Variants in API5 observed in about 807,000 individuals in gnomAD.
The protein encoded by API5 is FIF.
API5 carries 6 observed loss-of-function variants against 71.9 expected under a neutral mutation model. That is an observed-to-expected ratio of 0.08 (90% confidence interval 0.05 to 0.16). The LOEUF is 0.16. Among genes scored for constraint, API5 ranks in the 10% least tolerant of loss-of-function variants. The probability of loss-of-function intolerance (pLI) is 1.00; values close to 1 mark genes in which losing one functional copy is unlikely to be tolerated. For missense variants in API5, 332 were observed against 612.8 expected (o/e 0.54, Z 4.84); for synonymous variants, 189 against 221.3 (o/e 0.85, Z 1.30).
At chr11:43,332,643 G>A (rs1288164584) in intron 11 of API5, among the ~76,000 whole-genome samples, 1 of 152,066 alleles carries the variant, frequency 6.6e-6, no homozygotes, top group Non-Finnish European at 1.5e-5. Flanking sequence ...ACGTGGGTGT[G>A]TTCTTGTTCA....
In API5 at chr11:43,322,041, C is replaced by G; in HGVS notation, c.448C>G (p.Arg150Gly). Residue 150 changes from arginine (R) to glycine (G), a missense_variant, in exon 5 of 14, where the codon CGA becomes GGA. By Grantham distance (125) the Arg-to-Gly change is moderately radical. Coordinates refer to ENST00000531273, the MANE Select transcript of API5 (RefSeq NM_001142930.2). ...ILQGEDIVRE[R>G]AIKFLSTKLK... is the part of the protein sequence containing the mutation. ...TCAAGGAGAGGACATTGTTAGAGAA[C>G]GAGCAATTAAATTCCTTTCTACAAA... 1 of 1,613,536 alleles carries G rather than the reference C, an allele frequency of 6.2e-7. No homozygotes were observed. Among genetic ancestry groups the G allele is most frequent in the Non-Finnish European group, 8.5e-7 (1 of 1,179,772 alleles).
At chr11:43,327,642 T>C (rs947483245) in intron 7 of API5, 147 bp from the exon 8 acceptor site, 7 of 562,916 alleles carry the variant, frequency 1.2e-5, no homozygotes, top group Admixed American at 1.1e-4. Flanking sequence ...GGGCTGCATC[T>C]ATCTCTAAGG....
rs1855659467 is a variant in API5, at chr11:43,342,642, T to G, written c.*132T>G. 2.2e-6 allele frequency: 2 copies of G among 892,564 alleles called. No homozygotes were observed. The highest frequency in any genetic ancestry group is 3.6e-6 in the Non-Finnish European group (2 of 552,710). The allele number at this position is 892,564 out of a possible 1,614,324, so 55.3% of individuals were successfully genotyped here. ...TAAAAACTTAATGTTCTTTATACCT[T>G]TGTATGTATGACCTACTTTTGTAAC... On this transcript the variant is annotated 3_prime_UTR_variant, in exon 14 of 14. Transcript: ENST00000531273.
rs1469458036 is a variant in API5 at position 43,312,034 on chromosome 11, T to C, written c.-94T>C. On this transcript the variant is annotated 5_prime_UTR_variant, in exon 1 of 14. Transcript: ENST00000531273. ...GCACTGGCGGCAGCTGGAGGTGTAA[T>C]AGTGCGGGTAGTGGGTTTGGAGAAG... is the stretch of plus-strand genomic sequence containing the variant. 6 of 1,386,772 alleles carry C rather than the reference T, an allele frequency of 4.3e-6. No homozygotes were observed. The highest frequency in any genetic ancestry group is 2.4e-5 in the East Asian group (1 of 41,764). 85.9% of individuals were successfully genotyped at this position (1,386,772 alleles called of 1,614,324 possible).
intron 10 of API5, 190 bp downstream of exon 10, chr11:43,330,248 T>C (rs1379913242): frequency 1.6e-6 from 1 of 618,966 alleles, no homozygotes; most frequent in Non-Finnish European, 2.8e-6. Flanking sequence ...AACTTCTATG[T>C]GCATGTGACC....
intron 6 of API5, among the ~76,000 whole-genome samples, chr11:43,324,928 C>T (rs2134357333): frequency 6.6e-6 from 1 of 152,232 alleles, no homozygotes; most frequent in African/African-American, 2.4e-5. Context: ...ATCCACCTGC[C>T]TCAGCCTCCC....
intron 13 of API5, among the ~76,000 whole-genome samples, chr11:43,339,857 TA>T (rs1374591190): frequency 6.6e-6 from 1 of 152,190 alleles, no homozygotes; most frequent in Non-Finnish European, 1.5e-5. Context: ...TAATTTAAGA[TA>T]TTTTTCATAG....
intron 13 of API5, among the ~76,000 whole-genome samples, chr11:43,339,858 A>G (rs1855555597): frequency 1.3e-5 from 2 of 152,290 alleles, no homozygotes; most frequent in South Asian, 4.1e-4. Flanking sequence ...AATTTAAGAT[A>G]TTTTTCATAG....
chr11:43,340,797 T>G (rs1489549635), intron 13 of API5, among the ~76,000 whole-genome samples: 1 of 151,732 alleles, frequency 6.6e-6, no homozygotes, highest in East Asian at 1.9e-4. Context: ...CAACTCAAAA[T>G]GGATGAAAGA....
intron 9 of API5, among the ~76,000 whole-genome samples, chr11:43,329,521 C>G (rs1164083844): frequency 6.6e-6 from 1 of 152,140 alleles, no homozygotes; most frequent in Non-Finnish European, 1.5e-5. Context: ...TAGTACCTAC[C>G]TCATAGAGTT....
chr11:43,330,167 C>T, intron 10 of API5, 109 bp downstream of exon 10: 1 of 818,170 alleles, frequency 1.2e-6, no homozygotes, highest in South Asian at 1.7e-5. Flanking sequence ...TAACAGTCTT[C>T]ATCCCAGTCC....
chr11:43,330,106 C>CTA (rs764254382), intron 10 of API5, 48 bp downstream of exon 10: 19 of 1,435,052 alleles, frequency 1.3e-5, no homozygotes, highest in African/African-American at 4.2e-5. Context: ...CCATACCAAA[C>CTA]TATATAGACT....
chr11:43,316,368 G>A (rs1482995516), intron 1 of API5, among the ~76,000 whole-genome samples: 1 of 136,404 alleles, frequency 7.3e-6, no homozygotes, highest in African/African-American at 2.7e-5. Flanking sequence ...TTGGCAAAAG[G>A]AAGTTTTGTT....
chr11:43,335,380 T>C (rs1023072352), intron 12 of API5, 26 bp downstream of exon 12: 2 of 1,443,554 alleles, frequency 1.4e-6, no homozygotes, highest in Middle Eastern at 3.6e-4. Flanking sequence ...AAAAGAGATT[T>C]AAGTGTTATC....
At chr11:43,315,528 A>G (rs1056500221) in intron 1 of API5, among the ~76,000 whole-genome samples, 7 of 152,224 alleles carry the variant, frequency 4.6e-5, no homozygotes, top group African/African-American at 7.2e-5. Flanking sequence ...AAAACCATTT[A>G]CACAGATTAT....
At chr11:43,330,467 A>C (rs1020482169) in intron 10 of API5, 41 bp from the exon 11 acceptor site, 7 of 1,379,750 alleles carry the variant, frequency 5.1e-6, no homozygotes, top group African/African-American at 1.4e-5. Context: ...GCCTCATAGA[A>C]GTTATTGGCA....
In API5 at chr11:43,323,531, G is replaced by C. The variant is rs1209307543; in HGVS notation, c.645G>C (p.Glu215Asp). Reference protein sequence around the residue: ...QTVSGRQQLVELVAEQADLEQ... With the variant: ...QTVSGRQQLVDLVAEQADLEQ... The stretch of plus-strand genomic sequence containing the variant: ...TGAGTGGAAGACAGCAACTTGTAGA[G>C]TTGGTGGCTGAACAGGCCGACCTAG... Residue 215 changes from glutamate (E) to aspartate (D), a missense_variant, in exon 6 of 14, where the codon GAG (glutamate) becomes GAC (aspartate). This residue lies in a region of API5 where 37 missense variants were observed against 31.3 expected (regional missense o/e 1.18). Coordinates refer to ENST00000531273, the MANE Select transcript of API5 (RefSeq NM_001142930.2). The C allele has an allele frequency of 6.2e-7, 1 of 1,614,054 alleles. No homozygotes were observed. Among genetic ancestry groups the C allele is most frequent in the East Asian group, 2.2e-5 (1 of 44,892 alleles).
intron 13 of API5, among the ~76,000 whole-genome samples, chr11:43,341,137 G>A (rs1855598230): frequency 6.6e-6 from 1 of 152,154 alleles, no homozygotes; most frequent in African/African-American, 2.4e-5. Flanking sequence ...CTCAAAAGAA[G>A]ACGTACAAAT....
intron 7 of API5, 45 bp from the exon 8 acceptor site, chr11:43,327,744 C>T: frequency 7.3e-7 from 1 of 1,367,286 alleles, no homozygotes; most frequent in Non-Finnish European, 1.0e-6. Context: ...ATTTCATAAC[C>T]CTTGCTTATT....
Sources: gnomAD v4.1 joint callset for allele counts (sites outside exome capture counted in the v4.1 genomes callset) on GRCh38, gnomAD v4.1.1 for gene constraint, gnomAD v4.1.1 regional missense constraint, MANE v1.5 for transcripts, NCBI Gene and HGNC (gene_info 2026-07-23, HGNC 2026-07-21) for gene names.